The following ITSN1 variants were observed in gnomAD, a reference collection of about 807,000 sequenced individuals.
ITSN1 encodes intersectin-1.
ITSN1 carries 58 observed loss-of-function variants against 239.8 expected under a neutral mutation model. The observed-to-expected ratio is 0.24, with a 90% CI of 0.20 to 0.30. ITSN1 has a LOEUF of 0.30. Among genes scored for constraint, ITSN1 ranks in the 10% least tolerant of loss-of-function variants. The pLI is 1.00. For missense variants in ITSN1, 1,558 were observed against 2,103.3 expected (o/e 0.74, Z 5.07); for synonymous variants, 780 against 770.8 (o/e 1.01, Z -0.20).
intron 1 of ITSN1, among the ~76,000 whole-genome samples, chr21:33,693,940 TTC>T (rs1299699571): frequency 2.0e-5 from 3 of 152,268 alleles, no homozygotes; most frequent in Non-Finnish European, 4.4e-5. Flanking sequence ...TATATTTTGT[TTC>T]TGTGTCTTAA....
intron 33 of ITSN1, among the ~76,000 whole-genome samples, chr21:33,872,554 CAG>C (rs1982931604): frequency 3.3e-5 from 5 of 151,938 alleles, no homozygotes. Flanking sequence ...TTTTTTGAGA[CAG>C]AGTCTCGCTC....
chr21:33,863,238 ACT>A lies in ITSN1; in HGVS notation c.3891-1910_3891-1909del, dbSNP rs527825993. 7.9e-5 allele frequency among the ~76,000 whole-genome samples: 12 copies of A among 152,232 alleles called. No homozygotes were observed. The South Asian group carries it at 2.5e-3, about 32-fold the overall frequency. On this transcript the variant is annotated intron_variant, in intron 31 of 39. Coordinates refer to ENST00000381318, the MANE Select transcript of ITSN1 (RefSeq NM_003024.3). ...TTTAGGCCTGTCTGCTGGTTGGGTA[ACT>A]CTGTTCTACAAGTGTGGGTCTGCAG...
intron 1 of ITSN1, among the ~76,000 whole-genome samples, chr21:33,685,157 T>A (rs541307321): frequency 1.3e-5 from 2 of 152,324 alleles, no homozygotes; most frequent in South Asian, 4.1e-4. Flanking sequence ...CCATTTACTC[T>A]TGGCACAGGT....
intron 25 of ITSN1, among the ~76,000 whole-genome samples, chr21:33,825,563 A>G (rs942392680): frequency 1.3e-5 from 2 of 152,206 alleles, no homozygotes; most frequent in African/African-American, 2.4e-5. Context: ...TTCTGAATCC[A>G]TCTCAGCTTA....
chr21:33,682,404 G>A (rs1432789610), intron 1 of ITSN1, among the ~76,000 whole-genome samples: 3 of 151,762 alleles, frequency 2.0e-5, no homozygotes, highest in African/African-American at 7.3e-5. Context: ...TGGTAGAGGC[G>A]GGGTTTCTCC....
intron 8 of ITSN1, among the ~76,000 whole-genome samples, chr21:33,759,387 TC>T (rs1322787165): frequency 2.0e-5 from 3 of 152,216 alleles, no homozygotes; most frequent in Admixed American, 2.0e-4. Flanking sequence ...AGAATCCAAG[TC>T]CCCTGATATC....
chr21:33,758,200 T>G (rs921279340), intron 8 of ITSN1, among the ~76,000 whole-genome samples: 1 of 152,186 alleles, frequency 6.6e-6, no homozygotes, highest in Non-Finnish European at 1.5e-5. Context: ...CATGGTTCAC[T>G]GCTGCCTGGA....
intron 33 of ITSN1, among the ~76,000 whole-genome samples, chr21:33,874,426 C>T (rs912380121): frequency 5.3e-5 from 8 of 152,158 alleles, no homozygotes; most frequent in African/African-American, 1.4e-4. Flanking sequence ...GCATAGACTG[C>T]GCTGTCCCTG....
At chr21:33,833,582 T>A (rs1422862214) in intron 27 of ITSN1, among the ~76,000 whole-genome samples, 1 of 152,192 alleles carries the variant, frequency 6.6e-6, no homozygotes, top group Non-Finnish European at 1.5e-5. Flanking sequence ...AAGTACTCAG[T>A]GAGGGCCGGG....
intron 21 of ITSN1, among the ~76,000 whole-genome samples, chr21:33,812,890 G>A (rs1486515105): frequency 6.6e-6 from 1 of 152,206 alleles, no homozygotes; most frequent in Non-Finnish European, 1.5e-5. Flanking sequence ...TGTAATTGCT[G>A]TGGCATCTAG....
intron 1 of ITSN1, among the ~76,000 whole-genome samples, chr21:33,703,884 G>GC (rs1431876349): frequency 6.6e-6 from 1 of 152,062 alleles, no homozygotes; most frequent in Non-Finnish European, 1.5e-5. Context: ...TTGTCTCCTC[G>GC]CCGAAGAGCT....
At chr21:33,676,713 C>G (rs1348091850) in intron 1 of ITSN1, among the ~76,000 whole-genome samples, 1 of 152,218 alleles carries the variant, frequency 6.6e-6, no homozygotes, top group African/African-American at 2.4e-5. Context: ...GAAAAAGCCA[C>G]TAAGTGTCAC....
In ITSN1 at chr21:33,798,798, G is replaced by A. The variant is rs538870883; in HGVS notation, c.2183-1010G>A. Reference sequence around the variant, plus strand: ...GGCACCTACCTGCCTTCAGATGCATGCAGTCCAGGGGAAAGACTGGCAGGT... The same window carrying A: ...GGCACCTACCTGCCTTCAGATGCATACAGTCCAGGGGAAAGACTGGCAGGT... On this transcript the variant is annotated intron_variant, in intron 18 of 39. Transcript: ENST00000381318. Among the ~76,000 whole-genome samples the A allele has an allele frequency of 3.3e-5, 5 of 152,334 alleles. No individual in the cohort carries two copies. The South Asian group carries it at 1.0e-3, about 32-fold the overall frequency.
At chr21:33,710,625 A>C (rs958534100) in intron 1 of ITSN1, among the ~76,000 whole-genome samples, 1 of 151,476 alleles carries the variant, frequency 6.6e-6, no homozygotes, top group African/African-American at 2.4e-5. Context: ...ATCTTGTTCT[A>C]TTATTTTTTG....
At chr21:33,770,726 T>C (rs984397538) in intron 11 of ITSN1, among the ~76,000 whole-genome samples, 5 of 152,078 alleles carry the variant, frequency 3.3e-5, no homozygotes, top group African/African-American at 1.2e-4. Context: ...GCAGCATGTA[T>C]CATTACATCA....
At chr21:33,817,354 G>A in intron 22 of ITSN1, 4 of 1,304,392 alleles carry the variant, frequency 3.1e-6, no homozygotes, top group South Asian at 1.2e-5. Context: ...CCCTCGGCCT[G>A]GAGTGCCCTT....
chr21:33,682,750 G>C, intron 1 of ITSN1, among the ~76,000 whole-genome samples: 1 of 151,892 alleles, frequency 6.6e-6, no homozygotes, highest in Non-Finnish European at 1.5e-5. Flanking sequence ...CTGATCTCCT[G>C]ACCTCAGGTG....
Position 33,755,311 on chromosome 21 carries a change from C to T in ITSN1, c.638C>T (p.Ala213Val), listed in dbSNP as rs1040815582. The T allele has an allele frequency of 1.2e-6, 2 of 1,605,194 alleles. No homozygotes were observed. Among genetic ancestry groups the T allele is most frequent in the Non-Finnish European group, 1.7e-6 (2 of 1,173,860 alleles). ...TTTCCCCACAGTGTCCCACCAGTGG[C>T]AGAGTGGGCTGTTCCTCAGTCATCA... The part of the protein sequence containing the change: ...SFDVASVPPV[A>V]EWAVPQSSRL... Residue 213 changes from alanine (A) to valine (V), a missense_variant, in exon 8 of 40, where the codon GCA becomes GTA. By Grantham distance (64) the Ala-to-Val change is moderately conservative (BLOSUM62 0). Transcript: ENST00000381318.
At chr21:33,691,869 G>A (rs1209809015) in intron 1 of ITSN1, among the ~76,000 whole-genome samples, 4 of 152,166 alleles carry the variant, frequency 2.6e-5, no homozygotes, top group African/African-American at 9.7e-5. Context: ...CCTCCCAAAG[G>A]CTCGCTTTCC....
Sources: gnomAD v4.1 joint callset for allele counts (sites outside exome capture counted in the v4.1 genomes callset) on GRCh38, gnomAD v4.1.1 for gene constraint, MANE v1.5 for transcripts, NCBI Gene and HGNC (gene_info 2026-07-23, HGNC 2026-07-21) for gene names.